SYN3: variants seen among roughly 807,000 people sequenced by gnomAD.
SYN3 encodes the protein synapsin III.
Under a neutral mutation model 65.8 loss-of-function variants are expected in SYN3, and 35 were observed. That is an observed-to-expected ratio of 0.53 (90% CI 0.41 to 0.70). The LOEUF (loss-of-function observed/expected upper bound fraction) is 0.70. Ranked by LOEUF, SYN3 falls within the 30% of genes least tolerant of loss-of-function variation. The pLI, the probability that SYN3 is intolerant of heterozygous loss-of-function variation, is 0.00. For missense variants in SYN3, 680 were observed against 749.0 expected, an observed-to-expected ratio of 0.91 and a Z score of 1.08; for synonymous variants, 270 against 292.9, an observed-to-expected ratio of 0.92 and a Z score of 0.80.
chr22:32,932,411 G>A lies in SYN3; in HGVS notation c.370-930C>T, dbSNP rs115273979. ...AAGAATGAGATACTCTTCCCTGAGA[G>A]TTTGAAACTGATGAGTGAGTCATGC... On this transcript the variant is annotated intron_variant, in intron 3 of 13. Transcript: ENST00000358763. Among the ~76,000 whole-genome samples, 1,159 of 152,254 alleles carry A rather than the reference G, an allele frequency of 7.6e-3. 17 individuals are homozygous for A. The highest frequency in any genetic ancestry group is 0.027 in the African/African-American group (1,109 of 41,552).
rs553131785 is a variant in SYN3 at position 32,696,699 on chromosome 22, C to T, written c.712-99963G>A. Among the ~76,000 whole-genome samples, 3 of 152,280 alleles carry T rather than the reference C, an allele frequency of 2.0e-5. No homozygotes were observed. The South Asian group carries it at 6.2e-4, about 32-fold the overall frequency. On this transcript the variant is annotated intron_variant, in intron 6 of 13. Transcript: ENST00000358763. ...GATGAAAAAATGAATGCATTCCTGTCCTGAGTGGGTGAAAACGGCTCTTCC... is the reference window on the plus strand; with the variant it reads ...GATGAAAAAATGAATGCATTCCTGTTCTGAGTGGGTGAAAACGGCTCTTCC...
intron 6 of SYN3, among the ~76,000 whole-genome samples, chr22:32,811,700 G>A (rs975480674): frequency 4.6e-5 from 7 of 152,142 alleles, no homozygotes; most frequent in Non-Finnish European, 7.4e-5. Flanking sequence ...TTGGGGGGTC[G>A]GTCATAGTTC....
chr22:32,761,904 G>A (rs1327146668), intron 6 of SYN3, among the ~76,000 whole-genome samples: 7 of 152,184 alleles, frequency 4.6e-5, no homozygotes, highest in Non-Finnish European at 7.3e-5. Context: ...TCGGATACGG[G>A]ATGGGGAAGG....
At chr22:32,700,711 T>A (rs1391810454) in intron 6 of SYN3, among the ~76,000 whole-genome samples, 1 of 152,194 alleles carries the variant, frequency 6.6e-6, no homozygotes, top group Non-Finnish European at 1.5e-5. Context: ...ATATGGCCAG[T>A]GCTTCTAGGC....
At chr22:32,526,406 G>T (rs2057976783) in intron 12 of SYN3, among the ~76,000 whole-genome samples, 1 of 152,114 alleles carries the variant, frequency 6.6e-6, no homozygotes, top group Non-Finnish European at 1.5e-5. Flanking sequence ...GGTGGCCAAG[G>T]TTGACTTTTT....
Position 32,667,795 on chromosome 22 carries a change from T to TTTCC in SYN3, c.712-71060_712-71059insGGAA, listed in dbSNP as rs1324528594. Among the ~76,000 whole-genome samples, 3 of 150,116 alleles carry TTTCC rather than the reference T, an allele frequency of 2.0e-5. No individual in the cohort carries two copies. In the East Asian group the frequency reaches 5.9e-4, roughly 29 times the overall value. On this transcript the variant is annotated intron_variant, in intron 6 of 13. Transcript: ENST00000358763. ...AGAGGAGATCACTTTTCTTTCTTTC[T>TTTCC]TTCTTTTTTTTTTTTTTTTTGAGAC...
At chr22:32,714,282 A>G (rs1411875377) in intron 6 of SYN3, among the ~76,000 whole-genome samples, 1 of 152,188 alleles carries the variant, frequency 6.6e-6, no homozygotes, top group East Asian at 1.9e-4. Flanking sequence ...CCAGCAACTG[A>G]CAGTTATGTG....
chr22:32,612,621 C>T (rs540236224), intron 6 of SYN3, among the ~76,000 whole-genome samples: 13 of 152,084 alleles, frequency 8.5e-5, no homozygotes, highest in African/African-American at 2.9e-4. Flanking sequence ...GCAGGAGGAT[C>T]GCTTAAGGCC....
chr22:32,613,187 T>C (rs978166943), intron 6 of SYN3, among the ~76,000 whole-genome samples: 14 of 151,998 alleles, frequency 9.2e-5, no homozygotes, highest in African/African-American at 3.4e-4. Context: ...TCCTTTTTTT[T>C]TAATAAATTA....
Position 32,513,577 on chromosome 22 carries a change from G to T in SYN3, c.*115C>A, listed in dbSNP as rs1983661791. 2.0e-5 allele frequency: 27 copies of T among 1,355,096 alleles called. No individual in the cohort carries two copies. The highest frequency in any genetic ancestry group is 2.6e-5 in the Non-Finnish European group (26 of 994,874). 83.9% of individuals were successfully genotyped at this position (1,355,096 alleles called of 1,614,324 possible). A position where few individuals can be genotyped will look rare whatever the true frequency, so the allele number is the denominator to read the frequency against. On this transcript the variant is annotated 3_prime_UTR_variant, in exon 14 of 14. Transcript: ENST00000358763. ...TTCCTGGGTCAAAGGCATTTAGAAA[G>T]TATGTTCTCAGGCCCTCCATTCTGT...
At chr22:32,859,469 G>A in intron 6 of SYN3, 3 of 1,459,168 alleles carry the variant, frequency 2.1e-6, no homozygotes, top group Non-Finnish European at 2.8e-6. Flanking sequence ...TGAAATTAGT[G>A]CCTGTTTTCT....
At chr22:32,698,230 G>A (rs2147187466) in intron 6 of SYN3, among the ~76,000 whole-genome samples, 1 of 152,248 alleles carries the variant, frequency 6.6e-6, no homozygotes, top group African/African-American at 2.4e-5. Context: ...AATTCACACA[G>A]TAGATTCTAC....
intron 4 of SYN3, among the ~76,000 whole-genome samples, chr22:32,871,328 T>C (rs1385497963): frequency 1.3e-5 from 2 of 152,356 alleles, no homozygotes; most frequent in South Asian, 2.1e-4. Flanking sequence ...CCAGATATTA[T>C]GGTGCTCTCT....
At chr22:32,638,601 G>A (rs982769820) in intron 6 of SYN3, among the ~76,000 whole-genome samples, 1 of 152,102 alleles carries the variant, frequency 6.6e-6, no homozygotes, top group African/African-American at 2.4e-5. Context: ...TTGGCCTCTT[G>A]TATGTCTTCT....
Position 32,957,858 on chromosome 22 carries a change from C to G in SYN3, c.369+22787G>C, listed in dbSNP as rs73162022. Among the ~76,000 whole-genome samples, 1,067 of 152,312 alleles carry G rather than the reference C, an allele frequency of 7.0e-3. 9 individuals carry two copies. Among genetic ancestry groups the G allele is most frequent in the South Asian group, 0.035 (170 of 4,828 alleles). Reference sequence around the variant, plus strand: ...TTTCTAAAGGCTGAATTCCTCTTCTCAGATGCTCATTTTCTTCCACAGGGG... The same window carrying G: ...TTTCTAAAGGCTGAATTCCTCTTCTGAGATGCTCATTTTCTTCCACAGGGG... On this transcript the variant is annotated intron_variant, in intron 3 of 13. Transcript: ENST00000358763.
At chr22:32,556,937 G>T (rs890879615) in intron 7 of SYN3, among the ~76,000 whole-genome samples, 1 of 150,776 alleles carries the variant, frequency 6.6e-6, no homozygotes, top group African/African-American at 2.4e-5. Flanking sequence ...GGGATTACAG[G>T]TGTGAGTCAC....
At chr22:33,044,840 T>G (rs891597290) in intron 1 of SYN3, among the ~76,000 whole-genome samples, 6 of 147,798 alleles carry the variant, frequency 4.1e-5, no homozygotes, top group African/African-American at 9.8e-5. Context: ...CCCAGATGAT[T>G]CTTCTTTTTT....
At position 32,684,729 on chromosome 22, in the gene SYN3, C is replaced by T. The variant is rs576574632; in HGVS notation, c.712-87993G>A. ...TGGCTTTTTAACTGTCACTGCTACA[C>T]GTTCATGAAAAGGGGCTCATAATGC... is the stretch of plus-strand genomic sequence containing the variant. On this transcript the variant is annotated intron_variant, in intron 6 of 13. Coordinates refer to ENST00000358763, the MANE Select transcript of SYN3 (RefSeq NM_003490.4). Among the ~76,000 whole-genome samples the T allele has an allele frequency of 8.9e-3, 1,361 of 152,268 alleles. 23 individuals are homozygous for T. Among genetic ancestry groups the T allele is most frequent in the African/African-American group, 0.032 (1,310 of 41,542 alleles).
rs574807558 is a variant in SYN3, at chr22:32,855,990, G to A, written c.711+8925C>T. Among the ~76,000 whole-genome samples, 14 of 152,256 alleles carry A rather than the reference G, an allele frequency of 9.2e-5. No homozygotes were observed. The South Asian group carries it at 1.7e-3, about 18-fold the overall frequency. On this transcript the variant is annotated intron_variant, in intron 6 of 13. Coordinates refer to ENST00000358763, the MANE Select transcript of SYN3 (RefSeq NM_003490.4). ...AACGAACCCAATGCTTTCACCAGAC[G>A]CTCAGAAGAATAAAAAACATGGAGA...
Sources: gnomAD v4.1 joint callset for allele counts (sites outside exome capture counted in the v4.1 genomes callset) on GRCh38, gnomAD v4.1.1 for gene constraint, MANE v1.5 for transcripts, NCBI Gene and HGNC (gene_info 2026-07-23, HGNC 2026-07-21) for gene names.